The following SARS2 variants were observed in gnomAD, a reference collection of about 807,000 sequenced individuals.
SARS2 encodes the protein seryl-tRNA synthetase 2, mitochondrial, also known as serine--tRNA ligase, mitochondrial.
A neutral mutation model predicts 66.8 loss-of-function variants in SARS2; 52 were observed. That is an observed-to-expected ratio of 0.78 (90% CI 0.62 to 0.98). SARS2 has a LOEUF of 0.98. Ranked by LOEUF, SARS2 falls within the 50% of genes least tolerant of loss-of-function variation. The pLI, the probability that SARS2 is intolerant of heterozygous loss-of-function variation, is 0.00. For missense variants in SARS2, 673 were observed against 706.3 expected, an observed-to-expected ratio of 0.95 and a Z score of 0.53; for synonymous variants, 306 against 281.4, an observed-to-expected ratio of 1.09 and a Z score of -0.87.
intron 1 of SARS2, 45 bp downstream of exon 1, chr19:38,930,425 G>A (rs766890366): frequency 6.4e-7 from 1 of 1,553,936 alleles, no homozygotes; most frequent in East Asian, 2.3e-5. Context: ...CAATTCTTCC[G>A]TAAAGCAAAC....
At chr19:38,919,570 C>T (rs1974480063) in intron 7 of SARS2, among the ~76,000 whole-genome samples, 192 bp downstream of exon 7, 1 of 152,214 alleles carries the variant, frequency 6.6e-6, no homozygotes, top group Non-Finnish European at 1.5e-5. Context: ...CTCAAGCCCT[C>T]TCTGTAAAGT....
chr19:38,915,622 T>G lies in SARS2; in HGVS notation c.1541A>C (p.Gln514Pro). Reference sequence around the variant, plus strand: ...GGTGGGTTCTTAGCTTACAGCAGGCTGGCCAGGCAGCCCAGGCTTCCGGGG... The same window carrying G: ...GGTGGGTTCTTAGCTTACAGCAGGCGGGCCAGGCAGCCCAGGCTTCCGGGG... ...NQPRKPGLPG[Q>P]PAVS is the part of the protein sequence containing the mutation. Residue 514 changes from glutamine (Q) to proline (P), a missense_variant, in exon 16 of 16, where the codon CAG becomes CCG. Coordinates refer to ENST00000221431, the MANE Select transcript of SARS2 (RefSeq NM_017827.4). 6.2e-7 allele frequency: 1 copy of G among 1,610,882 alleles called. No homozygotes were observed.
chr19:38,919,748 A>G lies in SARS2; in HGVS notation c.759+14T>C. 1 of 1,610,250 alleles carries G rather than the reference A, an allele frequency of 6.2e-7. No homozygotes were observed. The highest frequency in any genetic ancestry group is 1.1e-5 in the South Asian group (1 of 91,008). ...GCCACCCCCTCCAGGCAGCCCTCCT[A>G]TCTTGGCCCATACCCGGCGGAGAAG... is the stretch of plus-strand genomic sequence containing the variant. On this transcript the variant is annotated intron_variant, in intron 7 of 15. Transcript: ENST00000221431.
At chr19:38,927,233 C>T (rs1383435700) in intron 1 of SARS2, among the ~76,000 whole-genome samples, 5 of 152,172 alleles carry the variant, frequency 3.3e-5, no homozygotes, top group South Asian at 4.1e-4. Context: ...CCACAGCACC[C>T]GGTCTCTACA....
At chr19:38,930,388 C>T (rs983418693) in intron 1 of SARS2, 82 bp downstream of exon 1, 10 of 1,494,176 alleles carry the variant, frequency 6.7e-6, no homozygotes, top group Non-Finnish European at 8.9e-6. Flanking sequence ...ACAGGTTCGC[C>T]CCCTGCCGGA....
chr19:38,925,130 A>G (rs553374853), intron 2 of SARS2, among the ~76,000 whole-genome samples: 2 of 152,238 alleles, frequency 1.3e-5, no homozygotes, highest in African/African-American at 2.4e-5. Flanking sequence ...CCTGGCCAAC[A>G]TGGTGAAACC....
chr19:38,926,698 A>C (rs1444295745), intron 1 of SARS2, among the ~76,000 whole-genome samples: 4 of 152,194 alleles, frequency 2.6e-5, no homozygotes, highest in African/African-American at 9.6e-5. Flanking sequence ...AGGCACGAGA[A>C]TCGCTTGAAA....
intron 12 of SARS2, among the ~76,000 whole-genome samples, chr19:38,917,008 G>A (rs1040814443): frequency 6.6e-6 from 1 of 150,630 alleles, no homozygotes; most frequent in African/African-American, 2.4e-5. Context: ...GTTGCCCCAG[G>A]CTAGAGTGCA....
At chr19:38,918,197 G>T in intron 9 of SARS2, 58 bp from the exon 10 acceptor site, 1 of 1,540,068 alleles carries the variant, frequency 6.5e-7, no homozygotes, top group South Asian at 1.2e-5. Context: ...GAAGCCTTTG[G>T]AAGATTAAGA....
rs750389664 is a variant in SARS2 at position 38,915,460 on chromosome 19, G to T, written c.*146C>A. ...AGGCAGCAAGGACAGAGGAGAGGTG[G>T]ACCCCGTGGTCCAGGGGCCCGGGCG... is the stretch of plus-strand genomic sequence containing the variant. On this transcript the variant is annotated 3_prime_UTR_variant, in exon 16 of 16. Coordinates refer to ENST00000221431, the MANE Select transcript of SARS2 (RefSeq NM_017827.4). 1.2e-6 allele frequency: 1 copy of T among 837,750 alleles called. No individual in the cohort carries two copies. The highest frequency in any genetic ancestry group is 1.9e-6 in the Non-Finnish European group (1 of 527,020). The allele number at this position is 837,750 out of a possible 1,614,324, so 51.9% of individuals were successfully genotyped here.
In SARS2 at chr19:38,930,737, C is replaced by G; in HGVS notation, c.-1G>C. The G allele has an allele frequency of 1.9e-6, 3 of 1,613,140 alleles. No individual in the cohort carries two copies. The highest frequency in any genetic ancestry group is 2.5e-6 in the Non-Finnish European group (3 of 1,180,022). On this transcript the variant is annotated 5_prime_UTR_variant, in exon 1 of 16. Coordinates refer to ENST00000221431, the MANE Select transcript of SARS2 (RefSeq NM_017827.4). Reference sequence around the variant, plus strand: ...AGCGCCGCGCCATGGACGCAGCCATCTTGGACCGGGAACAAGGCGGCACTT... The same window carrying G: ...AGCGCCGCGCCATGGACGCAGCCATGTTGGACCGGGAACAAGGCGGCACTT...
intron 2 of SARS2, among the ~76,000 whole-genome samples, chr19:38,924,169 T>C (rs566161248): frequency 6.6e-6 from 1 of 151,964 alleles, no homozygotes; most frequent in African/African-American, 2.4e-5. Flanking sequence ...ATATACCCTG[T>C]CTGTAGATTC....
intron 1 of SARS2, 110 bp downstream of exon 1, chr19:38,930,360 A>G (rs1369343915): frequency 7.2e-7 from 1 of 1,397,762 alleles, no homozygotes; most frequent in Admixed American, 2.4e-5. Flanking sequence ...AACTTGGGAA[A>G]TAACTAAAAT....
In SARS2 at chr19:38,918,155, A is replaced by G; in HGVS notation, c.917-16T>C. ...ATGAAGTAGCCTGGGAGGAGAGACC[A>G]CAGGGTGAGCCAGGGCTGCCAGTGC... On this transcript the variant is annotated splice_polypyrimidine_tract_variant and intron_variant, in intron 9 of 15. Coordinates refer to ENST00000221431, the MANE Select transcript of SARS2 (RefSeq NM_017827.4). The G allele has an allele frequency of 6.3e-7, 1 of 1,589,910 alleles. No individual in the cohort carries two copies. The highest frequency in any genetic ancestry group is 8.6e-7 in the Non-Finnish European group (1 of 1,168,302).
At position 38,916,206 on chromosome 19, in the gene SARS2, C is replaced by T. The variant is rs377082357; in HGVS notation, c.1254+15G>A. The T allele has an allele frequency of 1.1e-5, 18 of 1,613,418 alleles. No homozygotes were observed. Among genetic ancestry groups the T allele is most frequent in the Admixed American group, 1.7e-5 (1 of 60,004 alleles). On this transcript the variant is annotated intron_variant, in intron 13 of 15. Transcript: ENST00000221431. ...GTCCTCCTGCCCACCCCGTCCCCAG[C>T]GGCACAGGGCTCACCTCTCCAAAGC...
intron 1 of SARS2, among the ~76,000 whole-genome samples, 157 bp from the exon 2 acceptor site, chr19:38,926,457 C>T (rs559963662): frequency 1.3e-5 from 2 of 152,330 alleles, no homozygotes; most frequent in Admixed American, 1.3e-4. Flanking sequence ...TACTGGAATG[C>T]CCTGAGGTTC....
chr19:38,919,734 C>A (rs1243938876), intron 7 of SARS2, 28 bp downstream of exon 7: 5 of 1,588,450 alleles, frequency 3.1e-6, no homozygotes, highest in Non-Finnish European at 4.3e-6. Flanking sequence ...CCACCCCCTC[C>A]AGGCAGCCCT....
chr19:38,928,271 G>A (rs1038630994), intron 1 of SARS2: 1 of 152,174 alleles, frequency 6.6e-6, no homozygotes, highest in Non-Finnish European at 1.5e-5. Flanking sequence ...CTAGCTACTT[G>A]GGAGACTGAG....
intron 7 of SARS2, among the ~76,000 whole-genome samples, chr19:38,919,281 C>T (rs759382674): frequency 3.9e-5 from 6 of 152,260 alleles, no homozygotes; most frequent in African/African-American, 7.2e-5. Context: ...AGCGAGACTC[C>T]GTCTCAAAAA....
Sources: gnomAD v4.1 joint callset for allele counts (sites outside exome capture counted in the v4.1 genomes callset) on GRCh38, gnomAD v4.1.1 for gene constraint, MANE v1.5 for transcripts, NCBI Gene and HGNC (gene_info 2026-07-23, HGNC 2026-07-21) for gene names.